TMC2: variants seen among roughly 807,000 people sequenced by gnomAD.
TMC2 encodes the protein transmembrane channel like 2, also known as transmembrane channel-like protein 2.
TMC2 carries 102 observed loss-of-function variants against 105.9 expected under a neutral mutation model. The observed-to-expected ratio is 0.96, with a 90% CI of 0.82 to 1.14. TMC2 has a LOEUF of 1.14. Among genes scored for constraint, TMC2 ranks in the 50% most tolerant of loss-of-function variants. TMC2 has a pLI of 0.00. For synonymous variants in TMC2, 402 were observed against 422.8 expected, an observed-to-expected ratio of 0.95 and a Z score of 0.60; for missense variants, 1,093 against 1,134.3, an observed-to-expected ratio of 0.96 and a Z score of 0.52.
chr20:2,573,734 GT>G (rs2086121260), intron 5 of TMC2, among the ~76,000 whole-genome samples: 1 of 115,524 alleles, frequency 8.7e-6, no homozygotes. Flanking sequence ...CTAATTTTTT[GT>G]GTTTTTAGTA....
In TMC2 at chr20:2,591,878, G is replaced by A. The variant is rs748030559; in HGVS notation, c.835-432G>A. 2.0e-4 allele frequency among the ~76,000 whole-genome samples: 30 copies of A among 152,310 alleles called. No homozygotes were observed. The South Asian group carries it at 4.8e-3, about 24-fold the overall frequency. On this transcript the variant is annotated intron_variant, in intron 7 of 19. Transcript: ENST00000358864. ...TATTTAAAGAAGAAAATAGAGCCGG[G>A]CTCAGTGGTTCACGCCTGTAATCCT... is the stretch of plus-strand genomic sequence containing the variant.
intron 9 of TMC2, 78 bp downstream of exon 9, chr20:2,595,045 C>T (rs1488240854): frequency 9.4e-6 from 14 of 1,484,130 alleles, no homozygotes; most frequent in Non-Finnish European, 1.3e-5. Context: ...TGCCTACCTC[C>T]CTTCTGGTGG....
intron 11 of TMC2, among the ~76,000 whole-genome samples, chr20:2,605,508 C>G (rs372773627): frequency 6.6e-6 from 1 of 152,068 alleles, no homozygotes. Flanking sequence ...GTATCTTTTC[C>G]TCTTCTTATA....
In TMC2 at chr20:2,642,084, TAAC is replaced by T. The variant is rs11467243; in HGVS notation, c.*742_*744del. On this transcript the variant is annotated 3_prime_UTR_variant, in exon 20 of 20. Transcript: ENST00000358864. ...TGGGCAACAGAGTGAGACGCTGTCTTAACAACAACAAGTCTGGCCAGGAGTGGT... is the reference window on the plus strand; with the variant it reads ...TGGGCAACAGAGTGAGACGCTGTCTTAACAACAAGTCTGGCCAGGAGTGGT... Among the ~76,000 whole-genome samples, 2 of 151,446 alleles carry T rather than the reference TAAC, an allele frequency of 1.3e-5. No individual in the cohort carries two copies. The highest frequency in any genetic ancestry group is 2.4e-5 in the African/African-American group (1 of 41,156).
In TMC2 at chr20:2,553,037, A is replaced by G. The variant is rs372603346; in HGVS notation, c.83-5419A>G. On this transcript the variant is annotated intron_variant, in intron 2 of 19. Coordinates refer to ENST00000358864, the MANE Select transcript of TMC2 (RefSeq NM_080751.3). ...GATTTTCTACATAGACAATTATACT[A>G]TCTGTGAACAAAGACAGTTTTATTT... is the stretch of plus-strand genomic sequence containing the variant. Among the ~76,000 whole-genome samples, 10 of 152,270 alleles carry G rather than the reference A, an allele frequency of 6.6e-5. No individual in the cohort carries two copies. In the East Asian group the frequency reaches 1.5e-3, roughly 23 times the overall value.
At chr20:2,573,824 T>C (rs2086122901) in intron 5 of TMC2, among the ~76,000 whole-genome samples, 1 of 151,804 alleles carries the variant, frequency 6.6e-6, no homozygotes, top group Non-Finnish European at 1.5e-5. Flanking sequence ...CCTCCCAAAG[T>C]GCTGGGATTA....
chr20:2,597,902 G>C (rs2086320503), intron 10 of TMC2, among the ~76,000 whole-genome samples: 1 of 152,082 alleles, frequency 6.6e-6, no homozygotes, highest in Non-Finnish European at 1.5e-5. Context: ...GACTCATTTG[G>C]GGAAAGCATT....
chr20:2,613,099 G>C, intron 13 of TMC2, 95 bp from the exon 14 acceptor site: 18 of 1,490,684 alleles, frequency 1.2e-5, no homozygotes, highest in Non-Finnish European at 1.6e-5. Flanking sequence ...CAGGTGGGTG[G>C]GGGAGAGTTT....
At position 2,561,332 on chromosome 20, in the gene TMC2, A is replaced by G. The variant is rs187396265; in HGVS notation, c.402-526A>G. ...TTTTTCACCTATAAACTTATGAAAT[A>G]TAAATACAAATTAAATATATCTGAT... is the stretch of plus-strand genomic sequence containing the variant. On this transcript the variant is annotated intron_variant, in intron 3 of 19. Transcript: ENST00000358864. Among the ~76,000 whole-genome samples the G allele has an allele frequency of 1.6e-4, 24 of 152,376 alleles. No individual in the cohort carries two copies. In the East Asian group the frequency reaches 4.4e-3, roughly 28 times the overall value.
intron 17 of TMC2, among the ~76,000 whole-genome samples, chr20:2,628,913 T>G: frequency 6.6e-6 from 1 of 152,000 alleles, no homozygotes; most frequent in African/African-American, 2.4e-5. Context: ...CCATCCTGGC[T>G]AACACGGTGA....
Position 2,641,191 on chromosome 20 carries a change from C to T in TMC2, c.2561C>T (p.Pro854Leu), listed in dbSNP as rs2146277945. The T allele has an allele frequency of 1.2e-6, 2 of 1,614,170 alleles. No homozygotes were observed. The highest frequency in any genetic ancestry group is 3.3e-4 in the Middle Eastern group (2 of 6,062). The change falls in exon 20 of 20, where the codon CCT becomes CTT. Residue 854 changes from proline (P) to leucine (L), a missense_variant. Coordinates refer to ENST00000358864, the MANE Select transcript of TMC2 (RefSeq NM_080751.3). ...GCCATGGACAAGAAGGCGCAGGGCC[C>T]TGGGACCTCCAATTCTGCCAGCAGG... ...SQAMDKKAQG[P>L]GTSNSASRTT...
chr20:2,585,396 G>A (rs1321167156), intron 7 of TMC2, among the ~76,000 whole-genome samples: 2 of 150,982 alleles, frequency 1.3e-5, no homozygotes, highest in South Asian at 2.1e-4. Context: ...AATTTCTTGG[G>A]GTTTGTATTC....
chr20:2,542,047 T>C (rs1182509116), intron 2 of TMC2, among the ~76,000 whole-genome samples: 1 of 150,620 alleles, frequency 6.6e-6, no homozygotes, highest in Non-Finnish European at 1.5e-5. Context: ...TGAAAAAAAC[T>C]TCAGAGTAAA....
rs57035040 is a variant in TMC2 at position 2,588,691 on chromosome 20, T to TTGTGTGTGTGTGTGTGTGTGTGTG, written c.835-3611_835-3588dup. On this transcript the variant is annotated intron_variant, in intron 7 of 19. Coordinates refer to ENST00000358864, the MANE Select transcript of TMC2 (RefSeq NM_080751.3). ...TATGTGTGTGCCTTTGCATGTGTCT[T>TTGTGTGTGTGTGTGTGTGTGTGTG]TGTGTGTGTGTGTGTGTGTGTGTGT... Among the ~76,000 whole-genome samples the TTGTGTGTGTGTGTGTGTGTGTGTG allele has an allele frequency of 5.0e-3, 713 of 143,538 alleles. 10 individuals are homozygous for TTGTGTGTGTGTGTGTGTGTGTGTG. The highest frequency in any genetic ancestry group is 0.016 in the African/African-American group (607 of 37,638). 94.2% of individuals were successfully genotyped at this position (143,538 alleles called of 152,430 possible). A position where few individuals can be genotyped will look rare whatever the true frequency, so the allele number is the denominator to read the frequency against.
At chr20:2,605,473 GGA>G (rs140043829) in intron 11 of TMC2, among the ~76,000 whole-genome samples, 22 of 150,264 alleles carry the variant, frequency 1.5e-4, no homozygotes, top group East Asian at 3.9e-4. Flanking sequence ...GCATGTGCAT[GGA>G]GAGAGAGAGA....
chr20:2,578,769 T>C (rs1028162502), intron 5 of TMC2, among the ~76,000 whole-genome samples: 3 of 152,252 alleles, frequency 2.0e-5, no homozygotes, highest in African/African-American at 4.8e-5. Flanking sequence ...GAGTTCCTTC[T>C]ACCTTTGAAT....
intron 2 of TMC2, among the ~76,000 whole-genome samples, chr20:2,544,863 C>T (rs1374881523): frequency 6.6e-6 from 1 of 152,034 alleles, no homozygotes; most frequent in Non-Finnish European, 1.5e-5. Context: ...AGTTCAAGGC[C>T]AGTCTGGACA....
intron 10 of TMC2, among the ~76,000 whole-genome samples, chr20:2,598,317 C>T (rs1247872325): frequency 6.6e-6 from 1 of 152,156 alleles, no homozygotes. Flanking sequence ...ATCAGTCCCA[C>T]AGGGGCTGAG....
At chr20:2,586,847 G>C (rs919319495) in intron 7 of TMC2, among the ~76,000 whole-genome samples, 8 of 152,098 alleles carry the variant, frequency 5.3e-5, no homozygotes, top group African/African-American at 1.7e-4. Context: ...TACCATTTTA[G>C]TTGCATGCCA....
Sources: gnomAD v4.1 joint callset for allele counts (sites outside exome capture counted in the v4.1 genomes callset) on GRCh38, gnomAD v4.1.1 for gene constraint, MANE v1.5 for transcripts, NCBI Gene and HGNC (gene_info 2026-07-23, HGNC 2026-07-21) for gene names.